PTPRD: variants seen among roughly 807,000 people sequenced by gnomAD.
PTPRD encodes the protein protein tyrosine phosphatase receptor type D.
PTPRD carries 34 observed loss-of-function variants against 214.5 expected under a neutral mutation model. That is an observed-to-expected ratio of 0.16 (90% CI 0.12 to 0.21). PTPRD has a LOEUF of 0.21. Among genes scored for constraint, PTPRD ranks in the 10% least tolerant of loss-of-function variants. PTPRD has a pLI of 1.00. For missense variants in PTPRD, 2,545 were observed against 2,398.7 expected (o/e 1.06, Z -1.27); for synonymous variants, 1,128 against 845.7 (o/e 1.33, Z -5.79).
intron 5 of PTPRD, among the ~76,000 whole-genome samples, chr9:9,784,244 A>G (rs921014688): frequency 2.0e-5 from 3 of 152,114 alleles, no homozygotes; most frequent in African/African-American, 7.2e-5. Context: ...AACATATCTA[A>G]AAGATATTCT....
At chr9:9,793,075 G>A (rs2098978609) in intron 5 of PTPRD, among the ~76,000 whole-genome samples, 1 of 152,030 alleles carries the variant, frequency 6.6e-6, no homozygotes, top group Non-Finnish European at 1.5e-5. Flanking sequence ...GAATGGATAT[G>A]GATGTGAATT....
intron 2 of PTPRD, among the ~76,000 whole-genome samples, chr9:10,401,145 A>C (rs959785134): frequency 6.6e-6 from 1 of 151,692 alleles, no homozygotes; most frequent in Non-Finnish European, 1.5e-5. Flanking sequence ...TTAGTTAGAA[A>C]CTTAAAGTTT....
intron 5 of PTPRD, among the ~76,000 whole-genome samples, chr9:9,770,617 T>C (rs1314501232): frequency 6.6e-6 from 1 of 152,154 alleles, no homozygotes; most frequent in Non-Finnish European, 1.5e-5. Flanking sequence ...CCTATCATAA[T>C]ACTCAGAGTA....
chr9:9,236,934 C>G (rs1320687092), intron 9 of PTPRD, among the ~76,000 whole-genome samples: 2 of 152,118 alleles, frequency 1.3e-5, no homozygotes, highest in Admixed American at 1.3e-4. Context: ...AAGGCTGCAC[C>G]TTTTTGCTTC....
intron 2 of PTPRD, among the ~76,000 whole-genome samples, chr9:10,510,117 T>G (rs1044915296): frequency 6.6e-6 from 1 of 152,104 alleles, no homozygotes; most frequent in East Asian, 1.9e-4. Context: ...TAGAGTACAG[T>G]GTTTGGGAAC....
chr9:8,554,163 A>G (rs2082997909), intron 14 of PTPRD, among the ~76,000 whole-genome samples: 1 of 152,176 alleles, frequency 6.6e-6, no homozygotes, highest in South Asian at 2.1e-4. Flanking sequence ...ATTCCAGCCT[A>G]AACGACAGGG....
intron 8 of PTPRD, among the ~76,000 whole-genome samples, chr9:9,428,400 A>G (rs1161580848): frequency 1.3e-5 from 2 of 152,204 alleles, no homozygotes; most frequent in Non-Finnish European, 2.9e-5. Flanking sequence ...CAGATTCAAA[A>G]AGCAAGTCCA....
rs1382671762 is a variant in PTPRD, at chr9:9,069,375, T to A, written c.-142-50640A>T. On this transcript the variant is annotated intron_variant, in intron 10 of 45. Transcript: ENST00000381196. ...CACACAAAAAACTGGCTTTCATACA[T>A]TCATGACTTAAACGTCTTTGTGACT... is the stretch of plus-strand genomic sequence containing the variant. 2.0e-5 allele frequency among the ~76,000 whole-genome samples: 3 copies of A among 152,198 alleles called. No individual in the cohort carries two copies. The East Asian group carries it at 5.8e-4, about 29-fold the overall frequency.
intron 3 of PTPRD, among the ~76,000 whole-genome samples, chr9:10,158,267 G>T (rs750357011): frequency 5.7e-4 from 86 of 152,102 alleles, no homozygotes; most frequent in Non-Finnish European, 1.1e-3. Flanking sequence ...TCGGCCCCCT[G>T]AAGTTGTTGG....
chr9:8,799,855 T>G (rs1448608201), intron 11 of PTPRD, among the ~76,000 whole-genome samples: 1 of 151,446 alleles, frequency 6.6e-6, no homozygotes, highest in Middle Eastern at 3.4e-3. Context: ...CACACACTTT[T>G]TTTTTCTTTT....
intron 7 of PTPRD, among the ~76,000 whole-genome samples, chr9:9,665,913 T>C (rs2096712843): frequency 6.6e-6 from 1 of 151,880 alleles, no homozygotes; most frequent in African/African-American, 2.4e-5. Context: ...TTTTTACTGG[T>C]TTGAATAACC....
intron 43 of PTPRD, among the ~76,000 whole-genome samples, chr9:8,338,276 T>C (rs538899823): frequency 1.3e-5 from 2 of 152,208 alleles, no homozygotes; most frequent in East Asian, 3.9e-4. Context: ...TATCAGAGTT[T>C]ATGCATAGAA....
intron 11 of PTPRD, among the ~76,000 whole-genome samples, chr9:8,822,991 A>C (rs1013879899): frequency 2.6e-5 from 4 of 152,156 alleles, no homozygotes; most frequent in Admixed American, 2.6e-4. Context: ...CCTCGGTATG[A>C]AATCTTCCAA....
intron 11 of PTPRD, among the ~76,000 whole-genome samples, chr9:8,755,253 G>C (rs1054499015): frequency 6.6e-6 from 1 of 151,298 alleles, no homozygotes; most frequent in Non-Finnish European, 1.5e-5. Context: ...AAACAGGCCA[G>C]GTGCGGTGGC....
At chr9:9,687,572 A>G (rs2097187844) in intron 7 of PTPRD, among the ~76,000 whole-genome samples, 1 of 151,800 alleles carries the variant, frequency 6.6e-6, no homozygotes, top group Non-Finnish European at 1.5e-5. Flanking sequence ...AACTTTTTAC[A>G]TATGTTACTA....
At chr9:10,444,143 C>A (rs1272391083) in intron 2 of PTPRD, among the ~76,000 whole-genome samples, 1 of 151,710 alleles carries the variant, frequency 6.6e-6, no homozygotes, top group African/African-American at 2.4e-5. Flanking sequence ...CAAATAAAAA[C>A]CAATAAAAGC....
chr9:10,301,453 G>A (rs1212536415), intron 3 of PTPRD, among the ~76,000 whole-genome samples: 1 of 152,100 alleles, frequency 6.6e-6, no homozygotes, highest in Non-Finnish European at 1.5e-5. Context: ...TCAGAAGGTG[G>A]GTAATAACAA....
intron 39 of PTPRD, among the ~76,000 whole-genome samples, chr9:8,364,296 A>G (rs922194125): frequency 1.3e-5 from 2 of 152,248 alleles, no homozygotes; most frequent in African/African-American, 2.4e-5. Context: ...AGCGTGTTAC[A>G]CAAAATGGAG....
chr9:10,210,288 C>T (rs1298136170), intron 3 of PTPRD, among the ~76,000 whole-genome samples: 3 of 151,794 alleles, frequency 2.0e-5, no homozygotes, highest in South Asian at 2.1e-4. Flanking sequence ...TAAAGCCATA[C>T]AGAGGAGAGA....
Sources: allele counts gnomAD v4.1 joint callset (sites outside exome capture counted in the v4.1 genomes callset), GRCh38; gene constraint gnomAD v4.1.1; transcripts MANE v1.5; gene names NCBI Gene and HGNC (gene_info 2026-07-23, HGNC 2026-07-21).